The following MBTPS1 variants were observed in gnomAD, a reference collection of about 807,000 sequenced individuals.
The protein encoded by MBTPS1 is membrane bound transcription factor peptidase, site 1.
Under a neutral mutation model 127.8 loss-of-function variants are expected in MBTPS1, and 94 were observed. The observed-to-expected ratio is 0.74, with a 90% CI of 0.62 to 0.87. The LOEUF (loss-of-function observed/expected upper bound fraction) is 0.87. Ranked by LOEUF, MBTPS1 falls within the 40% of genes least tolerant of loss-of-function variation. MBTPS1 has a pLI of 0.00. For missense variants in MBTPS1, 1,636 were observed against 1,353.2 expected, an observed-to-expected ratio of 1.21 and a Z score of -3.28; for synonymous variants, 632 against 509.4, an observed-to-expected ratio of 1.24 and a Z score of -3.24.
intron 17 of MBTPS1, 95 bp downstream of exon 17, chr16:84,066,394 G>A (rs1230421669): frequency 7.6e-7 from 1 of 1,309,348 alleles, no homozygotes; most frequent in Non-Finnish European, 1.0e-6. Flanking sequence ...CTAACTGAGG[G>A]ATCACCATTC....
intron 10 of MBTPS1, among the ~76,000 whole-genome samples, chr16:84,083,636 A>G (rs2085974159): frequency 6.6e-6 from 1 of 152,198 alleles, no homozygotes; most frequent in Non-Finnish European, 1.5e-5. Flanking sequence ...AATATCTGGC[A>G]TCAGAAGCTG....
At chr16:84,098,970 T>C (rs2086216496) in intron 3 of MBTPS1, 83 bp downstream of exon 3, 1 of 1,283,396 alleles carries the variant, frequency 7.8e-7, no homozygotes. Context: ...GGATACTCAC[T>C]GTACTATTTT....
At chr16:84,075,254 A>G (rs562942685) in intron 11 of MBTPS1, 1 of 141,662 alleles carries the variant, frequency 7.1e-6, no homozygotes, top group East Asian at 1.9e-4. Flanking sequence ...CTGTGCCACT[A>G]TAATGAATCT....
rs552113470 is a variant in MBTPS1, at chr16:84,060,863, A to G, written c.2573-50T>C. 25 of 1,524,286 alleles carry G rather than the reference A, an allele frequency of 1.6e-5. 1 individual carries two copies. In the African/African-American group the frequency reaches 2.9e-4, roughly 18 times the overall value. 94.4% of individuals were successfully genotyped at this position (1,524,286 alleles called of 1,614,324 possible). ...GGAATTCCTTTTTTTTTTTCCAGAC[A>G]GAGTCACGCTCTTGTCACCCAGTGC... On this transcript the variant is annotated intron_variant, in intron 19 of 22. Coordinates refer to ENST00000343411, the MANE Select transcript of MBTPS1 (RefSeq NM_003791.4).
At chr16:84,088,598 G>A (rs1336900475) in intron 8 of MBTPS1, among the ~76,000 whole-genome samples, 3 of 152,156 alleles carry the variant, frequency 2.0e-5, no homozygotes, top group Non-Finnish European at 4.4e-5. Flanking sequence ...ATAAGGGAAC[G>A]CATCAAGAAA....
chr16:84,073,574 T>C (rs2085804862), intron 12 of MBTPS1, among the ~76,000 whole-genome samples: 1 of 152,160 alleles, frequency 6.6e-6, no homozygotes, highest in Admixed American at 6.5e-5. Flanking sequence ...GCCAAGTTAG[T>C]ATGCTGAGGC....
chr16:84,105,887 T>C (rs1193667474), intron 1 of MBTPS1, among the ~76,000 whole-genome samples: 2 of 151,978 alleles, frequency 1.3e-5, no homozygotes, highest in African/African-American at 2.4e-5. Flanking sequence ...ATGAACAAAA[T>C]ACCATAGAAA....
intron 1 of MBTPS1, among the ~76,000 whole-genome samples, chr16:84,112,401 T>C (rs1355400579): frequency 1.3e-5 from 2 of 152,212 alleles, no homozygotes; most frequent in African/African-American, 2.4e-5. Flanking sequence ...GGTTCACTCC[T>C]GTAATCCCGG....
chr16:84,073,022 G>A (rs1202047298), intron 12 of MBTPS1, among the ~76,000 whole-genome samples: 1 of 152,200 alleles, frequency 6.6e-6, no homozygotes. Context: ...TCAGTGAAAT[G>A]TTTATAATTG....
chr16:84,114,819 ACT>A (rs1567510682), intron 1 of MBTPS1, among the ~76,000 whole-genome samples: 2 of 150,184 alleles, frequency 1.3e-5, no homozygotes, highest in African/African-American at 2.5e-5. Flanking sequence ...ACAGAGCGAG[ACT>A]CTGTCTCAAA....
chr16:84,055,509 G>A (rs2085509475), intron 22 of MBTPS1, among the ~76,000 whole-genome samples: 1 of 152,220 alleles, frequency 6.6e-6, no homozygotes, highest in East Asian at 1.9e-4. Flanking sequence ...GATCCCTGGA[G>A]AGACAGACAG....
intron 11 of MBTPS1, 85 bp downstream of exon 11, chr16:84,081,662 T>C (rs1484868044): frequency 1.0e-5 from 11 of 1,095,196 alleles, no homozygotes; most frequent in African/African-American, 3.2e-5. Context: ...TTTTCTGTTT[T>C]GAGGCTTGTA....
At position 84,067,720 on chromosome 16, in the gene MBTPS1, G is replaced by C. The variant is rs1214763632; in HGVS notation, c.2175C>G (p.Asp725Glu). 1.2e-6 allele frequency: 2 copies of C among 1,613,954 alleles called. No homozygotes were observed. Among genetic ancestry groups the C allele is most frequent in the African/African-American group, 2.7e-5 (2 of 74,926 alleles). The change falls in exon 16 of 23, where the codon GAC (aspartate) becomes GAG (glutamate). Residue 725 changes from aspartate (D) to glutamate (E), a missense_variant. Transcript: ENST00000343411. ...DNGLSLVIFS[D>E]WYNTSVMRKV... ...TTCTCATAACAGAAGTGTTGTACCA[G>C]TCACTGAAGATGACGAGCGAGAGGC... is the stretch of plus-strand genomic sequence containing the variant.
In MBTPS1 at chr16:84,065,719, A is replaced by C; in HGVS notation, c.2402T>G (p.Val801Gly). The C allele has an allele frequency of 1.2e-6, 2 of 1,612,482 alleles. No homozygotes were observed. Among genetic ancestry groups the C allele is most frequent in the Non-Finnish European group, 1.7e-6 (2 of 1,179,534 alleles). The stretch of plus-strand genomic sequence containing the variant: ...GTCCTTGAAAGTCTGTGTTATCACG[A>C]CGCCATCTTCTGGAAACTTCGCGAT... ...CSIAKFPEDG[V>G]VITQTFKDQG... is the part of the protein sequence containing the mutation. Residue 801 changes from valine to glycine, a missense_variant, in exon 18 of 23, where the codon GTC becomes GGC. Coordinates refer to ENST00000343411, the MANE Select transcript of MBTPS1 (RefSeq NM_003791.4).
chr16:84,071,089 G>C (rs902811866), intron 12 of MBTPS1, among the ~76,000 whole-genome samples: 3 of 152,136 alleles, frequency 2.0e-5, no homozygotes, highest in Non-Finnish European at 4.4e-5. Flanking sequence ...ATCTGACTAA[G>C]AGAACTTATA....
intron 21 of MBTPS1, among the ~76,000 whole-genome samples, chr16:84,058,238 A>G (rs919864767): frequency 1.3e-5 from 2 of 152,254 alleles, no homozygotes; most frequent in Non-Finnish European, 2.9e-5. Flanking sequence ...TGGTGTGTTC[A>G]GCACTTTCGG....
At chr16:84,072,173 G>A (rs1029086796) in intron 12 of MBTPS1, 1 of 152,334 alleles carries the variant, frequency 6.6e-6, no homozygotes, top group Non-Finnish European at 1.5e-5. Context: ...CTACGGCGTG[G>A]ACAAACTGTG....
At chr16:84,061,069 C>T (rs1597303530) in intron 19 of MBTPS1, 2 of 279,356 alleles carry the variant, frequency 7.2e-6, no homozygotes, top group East Asian at 1.5e-4. Flanking sequence ...CTTCTTGCCT[C>T]AGCCTCCCAA....
At chr16:84,074,770 G>C (rs751603381) in intron 11 of MBTPS1, 29 bp from the exon 12 acceptor site, 3 of 1,589,734 alleles carry the variant, frequency 1.9e-6, no homozygotes, top group Non-Finnish European at 2.6e-6. Context: ...TGTTAGAGTA[G>C]ATCATATGAG....
Sources: gnomAD v4.1 joint callset for allele counts (sites outside exome capture counted in the v4.1 genomes callset) on GRCh38, gnomAD v4.1.1 for gene constraint, MANE v1.5 for transcripts, NCBI Gene and HGNC (gene_info 2026-07-23, HGNC 2026-07-21) for gene names.